EFR3B: variants seen among roughly 807,000 people sequenced by gnomAD.
The protein encoded by EFR3B is protein EFR3 homolog B.
A neutral mutation model predicts 104.7 loss-of-function variants in EFR3B; 64 were observed. That is an observed-to-expected ratio of 0.61 (90% CI 0.50 to 0.75). The LOEUF is 0.75. Among genes scored for constraint, EFR3B ranks in the 30% least tolerant of loss-of-function variants. The probability of loss-of-function intolerance (pLI) is 0.00; values close to 1 mark genes in which losing one functional copy is unlikely to be tolerated. For missense variants in EFR3B, 750 were observed against 1,078.5 expected, an observed-to-expected ratio of 0.70 and a Z score of 4.27; for synonymous variants, 385 against 417.9, an observed-to-expected ratio of 0.92 and a Z score of 0.96.
intron 1 of EFR3B, chr2:25,058,018 A>AG (rs1668071913): frequency 6.9e-6 from 1 of 145,924 alleles, no homozygotes; most frequent in African/African-American, 2.8e-5. Flanking sequence ...ACGTTTCTTC[A>AG]AAAAAGATAT....
chr2:25,084,098 T>C (rs1668883067), intron 1 of EFR3B, among the ~76,000 whole-genome samples: 1 of 152,180 alleles, frequency 6.6e-6, no homozygotes, highest in South Asian at 2.1e-4. Flanking sequence ...TGTGTGGCTC[T>C]AGGCAGGTAA....
chr2:25,136,464 G>C lies in EFR3B; in HGVS notation c.1485-59G>C, dbSNP rs1422460436. 7.2e-7 allele frequency: 1 copy of C among 1,392,506 alleles called. No individual in the cohort carries two copies. Among genetic ancestry groups the C allele is most frequent in the African/African-American group, 1.4e-5 (1 of 69,928 alleles). The allele number at this position is 1,392,506 out of a possible 1,614,324, so 86.3% of individuals were successfully genotyped here. A position where few individuals can be genotyped will look rare whatever the true frequency, so the allele number is the denominator to read the frequency against. On this transcript the variant is annotated intron_variant, in intron 13 of 22. Coordinates refer to ENST00000403714, the MANE Select transcript of EFR3B (RefSeq NM_014971.2). The surrounding 1 kb of genome is among the most constrained non-coding windows in gnomAD (Gnocchi z 4.0). ...GTTGGGGATAAAGCTCAGTGACCCC[G>C]TGTGAGCTCAGGCTGGCCTCATGCA...
At chr2:25,071,452 G>A (rs1218424382) in intron 1 of EFR3B, among the ~76,000 whole-genome samples, 2 of 151,310 alleles carry the variant, frequency 1.3e-5, no homozygotes, top group East Asian at 3.9e-4. Flanking sequence ...GTAGAGATGA[G>A]GTTTCACTAT....
At chr2:25,119,110 TAC>T (rs780800237) in intron 4 of EFR3B, among the ~76,000 whole-genome samples, 3 of 152,202 alleles carry the variant, frequency 2.0e-5, no homozygotes, top group Non-Finnish European at 2.9e-5. Context: ...CATGCAGTCT[TAC>T]ACACACAGGG....
chr2:25,100,516 G>A (rs182307410), intron 3 of EFR3B, among the ~76,000 whole-genome samples: 4 of 152,034 alleles, frequency 2.6e-5, no homozygotes, highest in East Asian at 3.9e-4. Flanking sequence ...TTTTTGAGAC[G>A]GAGTCTCACT....
At chr2:25,132,388 C>A (rs10189702) in intron 10 of EFR3B, among the ~76,000 whole-genome samples, 15,323 of 152,128 alleles carry the variant, frequency 0.1, 1,292 homozygotes, top group East Asian at 0.23. Flanking sequence ...GGGCCAGCCG[C>A]GGAGAAAATG....
chr2:25,158,565 G>T lies in EFR3B; in HGVS notation c.*4225G>T. On this transcript the variant is annotated 3_prime_UTR_variant, in exon 23 of 23. Coordinates refer to ENST00000403714, the MANE Select transcript of EFR3B (RefSeq NM_014971.2). ...CATGATGGGCCCATCCTAGAGCCTG[G>T]CTAGCTGGAAGACGCGGTATGGCAG... is the stretch of plus-strand genomic sequence containing the variant. The T allele has an allele frequency of 6.5e-6, 1 of 152,984 alleles. No individual in the cohort carries two copies. Among genetic ancestry groups the T allele is most frequent in the Non-Finnish European group, 1.5e-5 (1 of 68,404 alleles). 9.5% of individuals were successfully genotyped at this position (152,984 alleles called of 1,614,324 possible).
Position 25,064,054 on chromosome 2 carries a change from C to T in EFR3B, c.7+21735C>T, listed in dbSNP as rs929987020. Among the ~76,000 whole-genome samples the T allele has an allele frequency of 5.3e-5, 8 of 152,168 alleles. No individual in the cohort carries two copies. The South Asian group carries it at 1.7e-3, about 32-fold the overall frequency. The stretch of plus-strand genomic sequence containing the variant: ...ATTTTTAGTAGGGCTCAACCTAGTA[C>T]TTGTTTTGCATTTTTGCAGAATTCT... On this transcript the variant is annotated intron_variant, in intron 1 of 22. Transcript: ENST00000403714.
At chr2:25,086,849 T>TC (rs1558596280) in intron 1 of EFR3B, among the ~76,000 whole-genome samples, 1 of 152,188 alleles carries the variant, frequency 6.6e-6, no homozygotes, top group Non-Finnish European at 1.5e-5. Flanking sequence ...CGCCTCAGCC[T>TC]CCCAAAGTGC....
At chr2:25,075,867 C>T (rs1668621049) in intron 1 of EFR3B, among the ~76,000 whole-genome samples, 1 of 152,190 alleles carries the variant, frequency 6.6e-6, no homozygotes, top group South Asian at 2.1e-4. Context: ...GATGCCCTTT[C>T]ACTTGTGTTT....
At position 25,145,205 on chromosome 2, in the gene EFR3B, C is replaced by T. The variant is rs568761688; in HGVS notation, c.2142+154C>T. ...CTTGTACTGACTCTCCCCACGTATG[C>T]GTCATAGATACTTCCCTTCGGAAAA... On this transcript the variant is annotated intron_variant, in intron 19 of 22. Coordinates refer to ENST00000403714, the MANE Select transcript of EFR3B (RefSeq NM_014971.2). The T allele has an allele frequency of 2.6e-4, 176 of 669,928 alleles. 1 individual carries two copies. In the African/African-American group the frequency reaches 2.6e-3, roughly 10 times the overall value. 41.5% of individuals were successfully genotyped at this position (669,928 alleles called of 1,614,324 possible).
At chr2:25,125,442 G>A (rs753692567) in intron 5 of EFR3B, among the ~76,000 whole-genome samples, 8 of 152,118 alleles carry the variant, frequency 5.3e-5, no homozygotes, top group Non-Finnish European at 7.3e-5. Context: ...ATTCCTGATC[G>A]TTCATTCCCA....
intron 1 of EFR3B, among the ~76,000 whole-genome samples, chr2:25,046,879 C>T (rs1427538940): frequency 4.6e-5 from 7 of 152,190 alleles, no homozygotes; most frequent in Admixed American, 4.6e-4. Flanking sequence ...AGCACATGTG[C>T]GCATGTGCAC....
At position 25,131,445 on chromosome 2, in the gene EFR3B, C is replaced by T. The variant is rs1339273633; in HGVS notation, c.927C>T (p.Arg309=). ...ACAGCCGCAGCGCTGCGACGGTGCG[C>T]GCGGGCATCGTGGAAGTCTTGTCGG... ...DANSRSAATV[R]AGIVEVLSEA... The change falls in exon 9 of 23, where the codon CGC becomes CGT. Residue 309 remains arginine (R), a synonymous_variant. Transcript: ENST00000403714. The surrounding 1 kb of genome is among the most constrained non-coding windows in gnomAD (Gnocchi z 7.6). The T allele has an allele frequency of 3.9e-6, 6 of 1,550,762 alleles. No individual in the cohort carries two copies. Among genetic ancestry groups the T allele is most frequent in the Non-Finnish European group, 4.4e-6 (5 of 1,146,876 alleles).
intron 15 of EFR3B, among the ~76,000 whole-genome samples, chr2:25,138,333 G>A (rs545631729): frequency 2.5e-4 from 38 of 152,292 alleles, no homozygotes; most frequent in African/African-American, 7.0e-4. Context: ...TTTGCGATGC[G>A]CAGGCAGCCA....
At position 25,149,735 on chromosome 2, in the gene EFR3B, A is replaced by C. The variant is rs1670949787; in HGVS notation, c.2184A>C (p.Lys728Asn). 3 of 1,551,564 alleles carry C rather than the reference A, an allele frequency of 1.9e-6. No homozygotes were observed. The highest frequency in any genetic ancestry group is 2.4e-5 in the East Asian group (1 of 40,914). ...AGATCACCTATGAGACACTGAAGAA[A>C]GCCATTGGTAAGTCAGGGCAAAGGG... is the stretch of plus-strand genomic sequence containing the variant. ...AEEITYETLK[K>N]AIVDSVAVEE... is the part of the protein sequence containing the mutation. Residue 728 changes from lysine to asparagine, a missense_variant, in exon 20 of 23, where the codon AAA (lysine) becomes AAC (asparagine). Lys to Asn is a moderately conservative substitution (Grantham distance 94). Coordinates refer to ENST00000403714, the MANE Select transcript of EFR3B (RefSeq NM_014971.2).
intron 4 of EFR3B, 121 bp downstream of exon 4, chr2:25,103,908 T>A (rs1218768865): frequency 8.5e-7 from 1 of 1,179,810 alleles, no homozygotes; most frequent in East Asian, 2.6e-5. Flanking sequence ...CAACCCTAAG[T>A]GTGACACACT....
Position 25,130,835 on chromosome 2 carries a change from C to T in EFR3B, c.849+205C>T, listed in dbSNP as rs1277686614. ...CACAGACCAATACTTTTATAAAATA[C>T]AATTAAAACAAATAATTTCTAGAAA... is the stretch of plus-strand genomic sequence containing the variant. On this transcript the variant is annotated intron_variant, in intron 8 of 22. Transcript: ENST00000403714. This position sits in a 1 kb window ranked among gnomAD's most constrained non-coding sequence, Gnocchi z 4.6. Among the ~76,000 whole-genome samples the T allele has an allele frequency of 1.3e-5, 2 of 152,154 alleles. No homozygotes were observed. The highest frequency in any genetic ancestry group is 6.5e-5 in the Admixed American group (1 of 15,274).
intron 3 of EFR3B, among the ~76,000 whole-genome samples, chr2:25,098,204 G>A (rs1669335381): frequency 6.6e-6 from 1 of 152,054 alleles, no homozygotes; most frequent in African/African-American, 2.4e-5. Flanking sequence ...TCTAGGAGTG[G>A]GCTGACCAAA....
Sources: gnomAD v4.1 joint callset for allele counts (sites outside exome capture counted in the v4.1 genomes callset) on GRCh38, gnomAD v4.1.1 for gene constraint, Gnocchi (gnomAD v3.1) non-coding constraint, MANE v1.5 for transcripts, NCBI Gene and HGNC (gene_info 2026-07-23, HGNC 2026-07-21) for gene names.